The following TRPM2 variants were observed in gnomAD, a reference collection of about 807,000 sequenced individuals.
The protein encoded by TRPM2 is estrogen-responsive element-associated gene 1 protein.
TRPM2 carries 161 observed loss-of-function variants against 174.0 expected under a neutral mutation model. The ratio of observed to expected loss-of-function variants is 0.93; its 90% CI spans 0.81 to 1.05. TRPM2 has a LOEUF of 1.05. Ranked by LOEUF, TRPM2 falls within the 50% of genes least tolerant of loss-of-function variation. TRPM2 has a pLI of 0.00. For missense variants in TRPM2, 2,057 were observed against 2,038.0 expected (o/e 1.01, Z -0.18); for synonymous variants, 954 against 861.3 (o/e 1.11, Z -1.88).
rs754597533 is a variant in TRPM2, at chr21:44,364,282, G to T, written c.423G>T (p.Lys141Asn). ...CGGGCCTGAGCCAGAAGGTGAAAAAGGTTGGTTTCCATCACTCTCGCTCTG... is the reference window on the plus strand; with the variant it reads ...CGGGCCTGAGCCAGAAGGTGAAAAATGTTGGTTTCCATCACTCTCGCTCTG... The part of the protein sequence containing the change: ...VFTGLSQKVK[K>N]YVRVSQDTPS... Residue 141 changes from lysine (K) to asparagine (N), a missense_variant and splice_region_variant, in exon 3 of 32, where the codon AAG becomes AAT. By Grantham distance (94) the Lys-to-Asn change is moderately conservative. Transcript: ENST00000397928. 10 of 1,613,952 alleles carry T rather than the reference G, an allele frequency of 6.2e-6. No individual in the cohort carries two copies. In the African/African-American group the frequency reaches 6.7e-5, roughly 11 times the overall value.
intron 4 of TRPM2, among the ~76,000 whole-genome samples, chr21:44,368,510 C>T (rs2048422932): frequency 6.6e-6 from 1 of 151,886 alleles, no homozygotes; most frequent in African/African-American, 2.4e-5. Flanking sequence ...CAGCTCACTG[C>T]AACCTCTGCC....
At chr21:44,401,476 C>G (rs1181588717) in intron 15 of TRPM2, among the ~76,000 whole-genome samples, 5 of 152,168 alleles carry the variant, frequency 3.3e-5, no homozygotes, top group Non-Finnish European at 7.4e-5. Context: ...CCAGCCCCAC[C>G]CCGGTGGCTG....
intron 3 of TRPM2, among the ~76,000 whole-genome samples, chr21:44,365,001 C>T (rs1002033333): frequency 6.1e-5 from 9 of 148,530 alleles, no homozygotes; most frequent in South Asian, 2.1e-4. Context: ...CTGAGACTCG[C>T]GTGTTGACCA....
chr21:44,364,564 G>T (rs1437276613), intron 3 of TRPM2, among the ~76,000 whole-genome samples: 24 of 152,186 alleles, frequency 1.6e-4, no homozygotes, highest in Admixed American at 1.4e-3. Context: ...TTCTGGCTGG[G>T]TGTCCTTGGG....
Position 44,366,973 on chromosome 21 carries a change from T to C in TRPM2, c.604+39T>C, listed in dbSNP as rs928708913. The C allele has an allele frequency of 6.5e-7, 1 of 1,536,718 alleles. No individual in the cohort carries two copies. Among genetic ancestry groups the C allele is most frequent in the East Asian group, 2.3e-5 (1 of 43,780 alleles). The stretch of plus-strand genomic sequence containing the variant: ...TGGAGGGACACGAGGCCCCGGCGGG[T>C]GGGGTGGGCTGTGGAGGCAGTGCTG... On this transcript the variant is annotated intron_variant, in intron 4 of 31. Transcript: ENST00000397928. The surrounding 1 kb of genome is among the most constrained non-coding windows in gnomAD (Gnocchi z 6.0).
intron 19 of TRPM2, among the ~76,000 whole-genome samples, chr21:44,408,946 G>A (rs1167220589): frequency 6.6e-6 from 1 of 152,044 alleles, no homozygotes; most frequent in African/African-American, 2.4e-5. Context: ...ATAAGCCACT[G>A]CCCCCAGCCA....
Position 44,399,032 on chromosome 21 carries a change from A to C in TRPM2, c.2063-264A>C, listed in dbSNP as rs113161087. ...GGGCAGCTTGGAGGTTAGAGGCAAG[A>C]TGGAGTCCATTAGGTCAGTTCTCGG... is the stretch of plus-strand genomic sequence containing the variant. On this transcript the variant is annotated intron_variant, in intron 13 of 31. Transcript: ENST00000397928. The surrounding 1 kb of genome is among the most constrained non-coding windows in gnomAD (Gnocchi z 4.6). 4.9e-4 allele frequency among the ~76,000 whole-genome samples: 75 copies of C among 152,204 alleles called. No homozygotes were observed. Among genetic ancestry groups the C allele is most frequent in the African/African-American group, 1.7e-3 (70 of 41,514 alleles).
intron 19 of TRPM2, among the ~76,000 whole-genome samples, chr21:44,410,511 A>C (rs561071191): frequency 0.032 from 736 of 22,896 alleles, 9 homozygotes; most frequent in East Asian, 0.048. Context: ...CTTGGCGTAG[A>C]CTTGTAGTAA....
At position 44,419,342 on chromosome 21, in the gene TRPM2, C is replaced by T. The variant is rs143651758; in HGVS notation, c.3461+787C>T. Among the ~76,000 whole-genome samples, 381 of 152,264 alleles carry T rather than the reference C, an allele frequency of 2.5e-3. 2 individuals carry two copies. The highest frequency in any genetic ancestry group is 8.7e-3 in the African/African-American group (362 of 41,558). On this transcript the variant is annotated intron_variant, in intron 22 of 31. Coordinates refer to ENST00000397928, the MANE Select transcript of TRPM2 (RefSeq NM_003307.4). ...AGACATGTATGTACTCCTGCCTTTC[C>T]ATACCTCCCTCACCTTGTCTGTAAG...
At chr21:44,381,789 C>T (rs1041868593) in intron 8 of TRPM2, among the ~76,000 whole-genome samples, 2 of 151,944 alleles carry the variant, frequency 1.3e-5, no homozygotes, top group Non-Finnish European at 2.9e-5. Flanking sequence ...TGCCTGTAAT[C>T]CCAGCTACTT....
chr21:44,440,305 A>C (rs202128998), intron 30 of TRPM2, among the ~76,000 whole-genome samples: 4 of 6,484 alleles, frequency 6.2e-4, no homozygotes, highest in African/African-American at 1.1e-3. Context: ...CACTGCGCTC[A>C]AAAAAAAAAA....
chr21:44,435,011 C>T (rs572013760), intron 27 of TRPM2, 120 bp from the exon 28 acceptor site: 5 of 927,146 alleles, frequency 5.4e-6, no homozygotes, highest in East Asian at 2.5e-5. Context: ...AAGAAGCCTG[C>T]ATGCTGTCCC....
intron 3 of TRPM2, among the ~76,000 whole-genome samples, chr21:44,364,985 A>G (rs892104657): frequency 2.7e-5 from 4 of 148,304 alleles, no homozygotes; most frequent in Non-Finnish European, 4.5e-5. Flanking sequence ...AGCCTTCTGG[A>G]GGGTTCTGAG....
intron 19 of TRPM2, among the ~76,000 whole-genome samples, chr21:44,408,284 A>C (rs2049973632): frequency 6.6e-6 from 1 of 152,040 alleles, no homozygotes; most frequent in Non-Finnish European, 1.5e-5. Flanking sequence ...ACGTAGCATG[A>C]ACAGTTATTT....
At chr21:44,365,121 C>A (rs2048323806) in intron 3 of TRPM2, among the ~76,000 whole-genome samples, 1 of 151,128 alleles carries the variant, frequency 6.6e-6, no homozygotes, top group South Asian at 2.1e-4. Flanking sequence ...TGTTGACCAG[C>A]CTTCTGGAGG....
Position 44,439,266 on chromosome 21 carries a change from G to A in TRPM2, c.4269+98G>A. On this transcript the variant is annotated intron_variant, in intron 30 of 31. Coordinates refer to ENST00000397928, the MANE Select transcript of TRPM2 (RefSeq NM_003307.4). This position sits in a 1 kb window ranked among gnomAD's most constrained non-coding sequence, Gnocchi z 5.1. The stretch of plus-strand genomic sequence containing the variant: ...GGGACCTGCCCCAGCACCACTGGGT[G>A]GCAGCGGTCCCACCCAGCTTCACCA... 1 of 1,126,610 alleles carries A rather than the reference G, an allele frequency of 8.9e-7. No individual in the cohort carries two copies. Among genetic ancestry groups the A allele is most frequent in the Non-Finnish European group, 1.3e-6 (1 of 767,108 alleles). The allele number at this position is 1,126,610 out of a possible 1,614,324, so 69.8% of individuals were successfully genotyped here.
chr21:44,397,641 G>C (rs111608837), intron 12 of TRPM2, 106 bp from the exon 13 acceptor site: 2 of 1,303,740 alleles, frequency 1.5e-6, no homozygotes, highest in Non-Finnish European at 1.0e-6. Flanking sequence ...CCAGTGGCCC[G>C]CACTGTCCCC....
At chr21:44,436,102 G>A (rs2051255488) in intron 28 of TRPM2, among the ~76,000 whole-genome samples, 1 of 152,018 alleles carries the variant, frequency 6.6e-6, no homozygotes, top group Non-Finnish European at 1.5e-5. Flanking sequence ...CAGGGACACA[G>A]CTCCACACTC....
At chr21:44,420,279 C>T (rs865786040) in intron 22 of TRPM2, among the ~76,000 whole-genome samples, 5 of 152,076 alleles carry the variant, frequency 3.3e-5, no homozygotes, top group Non-Finnish European at 7.4e-5. Flanking sequence ...CATCCCCTGT[C>T]GTTCTGGAAT....
Sources: gnomAD v4.1 joint callset for allele counts (sites outside exome capture counted in the v4.1 genomes callset) on GRCh38, gnomAD v4.1.1 for gene constraint, Gnocchi (gnomAD v3.1) non-coding constraint, MANE v1.5 for transcripts, NCBI Gene and HGNC (gene_info 2026-07-23, HGNC 2026-07-21) for gene names.